Variants in KAZN observed in about 807,000 individuals in gnomAD.
The protein encoded by KAZN is kazrin.
KAZN carries 40 observed loss-of-function variants against 87.4 expected under a neutral mutation model. The ratio of observed to expected loss-of-function variants is 0.46; its 90% confidence interval spans 0.36 to 0.60. The LOEUF is 0.60. Among genes scored for constraint, KAZN ranks in the 20% least tolerant of loss-of-function variants. KAZN has a pLI of 0.00. For synonymous variants in KAZN, 466 were observed against 458.3 expected (o/e 1.02, Z -0.22); for missense variants, 898 against 1,073.9 (o/e 0.84, Z 2.29).
chr1:13,911,606 G>A (rs1639654088), intron 1 of KAZN, among the ~76,000 whole-genome samples: 1 of 152,178 alleles, frequency 6.6e-6, no homozygotes, highest in Non-Finnish European at 1.5e-5. Flanking sequence ...TGATGCTGAA[G>A]GAAGACATCA....
intron 1 of KAZN, among the ~76,000 whole-genome samples, chr1:13,963,756 G>GGT (rs1185808187): frequency 3.3e-4 from 39 of 117,124 alleles, no homozygotes; most frequent in African/African-American, 1.1e-3. Context: ...TTTCTGCTGT[G>GGT]GTCTGTGTGT....
chr1:14,993,464 C>A, intron 2 of KAZN, among the ~76,000 whole-genome samples: 1 of 151,332 alleles, frequency 6.6e-6, no homozygotes, highest in East Asian at 2.0e-4. Flanking sequence ...AGCAAAACTC[C>A]ATCTCAAAAA....
chr1:14,261,905 C>T (rs1293817611), intron 2 of KAZN, among the ~76,000 whole-genome samples: 1 of 152,110 alleles, frequency 6.6e-6, no homozygotes, highest in Non-Finnish European at 1.5e-5. Context: ...TCATCCGAGA[C>T]CCACTTTACC....
chr1:14,262,047 C>G (rs1367289852), intron 2 of KAZN, among the ~76,000 whole-genome samples: 2 of 152,204 alleles, frequency 1.3e-5, no homozygotes, highest in Non-Finnish European at 2.9e-5. Context: ...AGAAATATAA[C>G]TAGCATATCA....
chr1:13,942,908 C>A (rs1640993468), intron 1 of KAZN, among the ~76,000 whole-genome samples: 1 of 151,968 alleles, frequency 6.6e-6, no homozygotes, highest in Non-Finnish European at 1.5e-5. Flanking sequence ...AGATAAGCAA[C>A]CTGGAAGACC....
chr1:14,211,296 C>G (rs1646848184), intron 2 of KAZN, among the ~76,000 whole-genome samples: 1 of 152,198 alleles, frequency 6.6e-6, no homozygotes, highest in Non-Finnish European at 1.5e-5. Context: ...TCTCGACTCA[C>G]TGCAAGTTCC....
At chr1:14,053,227 C>T (rs78601977) in intron 1 of KAZN, among the ~76,000 whole-genome samples, 1 of 152,214 alleles carries the variant, frequency 6.6e-6, no homozygotes, top group African/African-American at 2.4e-5. Context: ...GGCAGGCCCA[C>T]GTGGCATGAA....
intron 11 of KAZN, among the ~76,000 whole-genome samples, chr1:15,103,138 G>C (rs573879686): frequency 6.6e-6 from 1 of 152,308 alleles, no homozygotes; most frequent in South Asian, 2.1e-4. Context: ...GTGGTGGCAG[G>C]TGCCTGTAAT....
At chr1:14,550,064 T>C (rs1011819929) in intron 2 of KAZN, among the ~76,000 whole-genome samples, 5 of 152,334 alleles carry the variant, frequency 3.3e-5, no homozygotes, top group Middle Eastern at 3.4e-3. Context: ...GTTGACAACA[T>C]TCCCAGGTAC....
intron 2 of KAZN, among the ~76,000 whole-genome samples, chr1:14,364,000 G>A (rs1659748444): frequency 6.7e-6 from 1 of 149,770 alleles, no homozygotes; most frequent in Admixed American, 6.6e-5. Flanking sequence ...GGAAGAGAGA[G>A]ATATAGCAGG....
At chr1:15,060,149 C>T in intron 5 of KAZN, 23 bp from the exon 6 acceptor site, 2 of 1,613,906 alleles carry the variant, frequency 1.2e-6, no homozygotes, top group Non-Finnish European at 8.5e-7. Context: ...ATCCCTCACT[C>T]ACCAGCTGTC....
chr1:14,152,269 T>G (rs1370783815), intron 1 of KAZN, among the ~76,000 whole-genome samples: 1 of 152,198 alleles, frequency 6.6e-6, no homozygotes, highest in Non-Finnish European at 1.5e-5. Flanking sequence ...GTAGGTCTTA[T>G]TCATTCTTTC....
At chr1:14,181,825 C>T (rs1450585878) in intron 2 of KAZN, among the ~76,000 whole-genome samples, 1 of 152,136 alleles carries the variant, frequency 6.6e-6, no homozygotes, top group African/African-American at 2.4e-5. Context: ...AAAGGATTAG[C>T]TTTCCTCGAA....
Position 14,032,870 on chromosome 1 carries a change from T to A in KAZN, c.91+139114T>A, listed in dbSNP as rs978946358. On this transcript the variant is annotated intron_variant, in intron 1 of 16. Coordinates refer to the KAZN transcript ENST00000636203. ...GTACTGCAGGAATCATTTCATTACA[T>A]TCTCCCAACATCCCTGATTGAGGCT... Among the ~76,000 whole-genome samples, 56 of 152,172 alleles carry A rather than the reference T, an allele frequency of 3.7e-4. 2 individuals are homozygous for A. The highest frequency in any genetic ancestry group is 4.4e-5 in the Non-Finnish European group (3 of 68,040).
intron 1 of KAZN, among the ~76,000 whole-genome samples, chr1:14,047,524 C>T (rs1281093259): frequency 6.6e-6 from 1 of 152,156 alleles, no homozygotes; most frequent in Non-Finnish European, 1.5e-5. Context: ...TTAATGGCAC[C>T]ACTGCTCGCC....
chr1:13,904,933 C>T (rs1457314520), intron 1 of KAZN, among the ~76,000 whole-genome samples: 3 of 151,880 alleles, frequency 2.0e-5, no homozygotes, highest in African/African-American at 7.3e-5. Context: ...TTCATATTTT[C>T]CATCTTTGTC....
intron 1 of KAZN, among the ~76,000 whole-genome samples, chr1:14,933,313 G>A (rs1195895937): frequency 6.6e-6 from 1 of 152,036 alleles, no homozygotes; most frequent in African/African-American, 2.4e-5. Context: ...GGCTGCTCTC[G>A]AACTCCTGAC....
Position 14,544,380 on chromosome 1 carries a change from A to G in KAZN, c.250-54603A>G, listed in dbSNP as rs575145581. On this transcript the variant is annotated intron_variant, in intron 2 of 16. Coordinates refer to the KAZN transcript ENST00000636203. ...TTTTTTTTTTTTTTTGGTCTTTTAA[A>G]GAATCTTCTCAAAAATGTGAAAAAG... Among the ~76,000 whole-genome samples the G allele has an allele frequency of 1.1e-4, 10 of 94,406 alleles. No individual in the cohort carries two copies. In the East Asian group the frequency reaches 3.4e-3, roughly 32 times the overall value. The allele number at this position is 94,406 out of a possible 152,430, so 61.9% of individuals were successfully genotyped here. A position where few individuals can be genotyped will look rare whatever the true frequency, so the allele number is the denominator to read the frequency against.
chr1:14,430,213 CAAAAAAA>C (rs35741487), intron 2 of KAZN, among the ~76,000 whole-genome samples: 5 of 105,822 alleles, frequency 4.7e-5, no homozygotes, highest in African/African-American at 1.7e-4. Flanking sequence ...GCCCTGCAAC[CAAAAAAA>C]AAAAAAAAAA....
Sources: allele counts gnomAD v4.1 joint callset (sites outside exome capture counted in the v4.1 genomes callset), GRCh38; gene constraint gnomAD v4.1.1; transcripts MANE v1.5; gene names NCBI Gene and HGNC (gene_info 2026-07-23, HGNC 2026-07-21).